Variants in FMN2 observed in about 807,000 individuals in gnomAD.
FMN2 encodes the protein formin 2.
In FMN2, 51 loss-of-function variants were observed where a neutral mutation model predicts 142.3. The ratio of observed to expected loss-of-function variants is 0.36; its 90% CI spans 0.29 to 0.45. The LOEUF (loss-of-function observed/expected upper bound fraction) is 0.45. Among genes scored for constraint, FMN2 ranks in the 20% least tolerant of loss-of-function variants. The pLI, the probability that FMN2 is intolerant of heterozygous loss-of-function variation, is 1.00. For missense variants in FMN2, 1,936 were observed against 2,122.8 expected (o/e 0.91, Z 1.73); for synonymous variants, 882 against 869.8 (o/e 1.01, Z -0.25).
chr1:240,190,446 G>A (rs1037667), intron 4 of FMN2, among the ~76,000 whole-genome samples: 97,955 of 152,048 alleles, frequency 0.64, 32,592 homozygotes, highest in African/African-American at 0.81. Flanking sequence ...GTAACTGGCC[G>A]TAAAGGGGAT....
At chr1:240,160,139 A>G (rs1664222395) in intron 2 of FMN2, among the ~76,000 whole-genome samples, 1 of 151,070 alleles carries the variant, frequency 6.6e-6, no homozygotes, top group South Asian at 2.1e-4. Context: ...TAAAGAAGAA[A>G]TAAAACCAGT....
Position 240,214,863 on chromosome 1 carries a change from C to T in FMN2, c.4065+3628C>T, listed in dbSNP as rs569408598. On this transcript the variant is annotated intron_variant, in intron 6 of 17. Transcript: ENST00000319653. The stretch of plus-strand genomic sequence containing the variant: ...GGTGGATGGCTTGAGCCCAGGATTT[C>T]GAGACCAGCCTGGGGAACATGGGGA... Among the ~76,000 whole-genome samples, 446 of 152,098 alleles carry T rather than the reference C, an allele frequency of 2.9e-3. 3 individuals carry two copies. The highest frequency in any genetic ancestry group is 0.027 in the South Asian group (132 of 4,812).
intron 2 of FMN2, chr1:240,144,976 C>G (rs555047362): frequency 7.9e-7 from 1 of 1,271,664 alleles, no homozygotes; most frequent in Non-Finnish European, 1.2e-6. Context: ...ACTCCCCACT[C>G]ATGGTCATGG....
chr1:240,411,195 C>A (rs9442209), intron 15 of FMN2, among the ~76,000 whole-genome samples: 4,954 of 152,228 alleles, frequency 0.033, 282 homozygotes, highest in African/African-American at 0.11. Flanking sequence ...TAGACATAGA[C>A]TCCTACTTGA....
intron 1 of FMN2, 46 bp downstream of exon 1, chr1:240,093,770 A>C (rs1463568124): frequency 7.9e-7 from 1 of 1,259,142 alleles, no homozygotes; most frequent in Admixed American, 4.1e-5. Context: ...GTCGCCTGTC[A>C]GTCAGGGCCT....
chr1:240,156,844 AT>A (rs1664045136), intron 2 of FMN2, among the ~76,000 whole-genome samples: 1 of 152,194 alleles, frequency 6.6e-6, no homozygotes. Context: ...AATAGATGCA[AT>A]TCATTAATCG....
At position 240,093,680 on chromosome 1, in the gene FMN2, C is replaced by T. The variant is rs749272668; in HGVS notation, c.1571C>T (p.Ser524Phe). ...TCCCCAGCACTGGCCGCCAAGGCGTCTGGGGCCCCCGCGGCTGCGGATGGC... is the reference window on the plus strand; with the variant it reads ...TCCCCAGCACTGGCCGCCAAGGCGTTTGGGGCCCCCGCGGCTGCGGATGGC... Reference protein sequence around the residue: ...GVSPALAAKASGAPAAADGFQ... With the variant: ...GVSPALAAKAFGAPAAADGFQ... The change falls in exon 1 of 18, where the codon TCT (serine) becomes TTT (phenylalanine). Residue 524 changes from serine to phenylalanine, a missense_variant. Coordinates refer to ENST00000319653, the MANE Select transcript of FMN2 (RefSeq NM_020066.5). The T allele has an allele frequency of 1.5e-6, 2 of 1,368,214 alleles. No homozygotes were observed. The highest frequency in any genetic ancestry group is 1.9e-6 in the Non-Finnish European group (2 of 1,067,212). The allele number at this position is 1,368,214 out of a possible 1,614,324, so 84.8% of individuals were successfully genotyped here. A position where few individuals can be genotyped will look rare whatever the true frequency, so the allele number is the denominator to read the frequency against.
intron 7 of FMN2, among the ~76,000 whole-genome samples, chr1:240,273,684 G>C (rs1328434107): frequency 2.4e-5 from 3 of 122,494 alleles, no homozygotes; most frequent in Admixed American, 9.8e-5. Context: ...CACACACACA[G>C]GGAGGAAAAA....
intron 15 of FMN2, among the ~76,000 whole-genome samples, chr1:240,405,991 G>A (rs994029833): frequency 6.6e-6 from 1 of 151,464 alleles, no homozygotes; most frequent in Admixed American, 6.6e-5. Flanking sequence ...TGGGGGAAGC[G>A]AAGGGAAGCA....
At chr1:240,358,750 T>C (rs1384246690) in intron 14 of FMN2, among the ~76,000 whole-genome samples, 2 of 152,118 alleles carry the variant, frequency 1.3e-5, no homozygotes, top group Non-Finnish European at 2.9e-5. Flanking sequence ...TACCTCCACC[T>C]CGTCTCTCCC....
intron 6 of FMN2, among the ~76,000 whole-genome samples, chr1:240,228,339 GAAAAAGAAAA>G (rs1667414064): frequency 6.3e-5 from 3 of 47,294 alleles, no homozygotes; most frequent in African/African-American, 3.8e-4. Context: ...AAAAGAAAAA[GAAAAAGAAAA>G]AGAAAGAAAA....
intron 1 of FMN2, among the ~76,000 whole-genome samples, chr1:240,113,197 G>A (rs1209734973): frequency 1.3e-5 from 2 of 152,160 alleles, no homozygotes; most frequent in East Asian, 3.9e-4. Flanking sequence ...GTCATGGGGT[G>A]TGAAAGCCCG....
At chr1:240,291,095 T>G (rs567975722) in intron 7 of FMN2, among the ~76,000 whole-genome samples, 2 of 152,294 alleles carry the variant, frequency 1.3e-5, no homozygotes, top group East Asian at 3.9e-4. Flanking sequence ...ATTACAGGCG[T>G]GAGCCACCAC....
At chr1:240,391,285 CTT>C (rs1423310178) in intron 14 of FMN2, among the ~76,000 whole-genome samples, 2 of 152,182 alleles carry the variant, frequency 1.3e-5, no homozygotes, top group Non-Finnish European at 2.9e-5. Context: ...TGGGTTATGA[CTT>C]TGCAGATACC....
At chr1:240,298,877 T>G (rs1416816086) in intron 8 of FMN2, among the ~76,000 whole-genome samples, 1 of 152,188 alleles carries the variant, frequency 6.6e-6, no homozygotes, top group Non-Finnish European at 1.5e-5. Flanking sequence ...CTGGGAATTT[T>G]CCACTTTTTG....
chr1:240,144,754 A>AAAC, intron 2 of FMN2: 1 of 1,353,718 alleles, frequency 7.4e-7, no homozygotes, highest in Non-Finnish European at 1.1e-6. Context: ...CAATTTCCAT[A>AAAC]AGGTCACAGG....
At chr1:240,097,544 A>G (rs1661247656) in intron 1 of FMN2, among the ~76,000 whole-genome samples, 1 of 151,922 alleles carries the variant, frequency 6.6e-6, no homozygotes, top group Non-Finnish European at 1.5e-5. Context: ...TTTAGTACAG[A>G]CGGGGTTTCA....
intron 2 of FMN2, among the ~76,000 whole-genome samples, chr1:240,159,865 A>G (rs183156336): frequency 6.8e-6 from 1 of 147,124 alleles, no homozygotes; most frequent in African/African-American, 2.5e-5. Context: ...GGAGCATATG[A>G]ATTATTTGCA....
intron 8 of FMN2, among the ~76,000 whole-genome samples, chr1:240,324,598 T>C (rs1671090811): frequency 6.6e-6 from 1 of 150,642 alleles, no homozygotes; most frequent in African/African-American, 2.4e-5. Context: ...GAGGCAGAGG[T>C]TGTAGTGAGC....
Sources: gnomAD v4.1 joint callset for allele counts (sites outside exome capture counted in the v4.1 genomes callset) on GRCh38, gnomAD v4.1.1 for gene constraint, MANE v1.5 for transcripts, NCBI Gene and HGNC (gene_info 2026-07-23, HGNC 2026-07-21) for gene names.